The following KAZN variants were observed in gnomAD, a reference collection of about 807,000 sequenced individuals.
The protein encoded by KAZN is kazrin.
A neutral mutation model predicts 87.4 loss-of-function variants in KAZN; 40 were observed. The observed-to-expected ratio is 0.46, with a 90% CI of 0.36 to 0.60. The LOEUF is 0.60. Ranked by LOEUF, KAZN falls within the 20% of genes least tolerant of loss-of-function variation. The probability of loss-of-function intolerance (pLI) is 0.00; values close to 1 mark genes in which losing one functional copy is unlikely to be tolerated. For synonymous variants in KAZN, 466 were observed against 458.3 expected (o/e 1.02, Z -0.22); for missense variants, 898 against 1,073.9 (o/e 0.84, Z 2.29).
At chr1:14,602,439 G>A (rs1380067562) in intron 1 of KAZN, among the ~76,000 whole-genome samples, 3 of 152,178 alleles carry the variant, frequency 2.0e-5, no homozygotes, top group South Asian at 2.1e-4. Flanking sequence ...CTTTTGGGTC[G>A]GTGGGGTCAC....
intron 2 of KAZN, among the ~76,000 whole-genome samples, chr1:14,531,268 C>A (rs1333217042): frequency 1.3e-5 from 2 of 152,188 alleles, no homozygotes; most frequent in East Asian, 3.9e-4. Context: ...TTGAGCTGAA[C>A]TTTTCCCAGT....
At chr1:14,839,616 A>G (rs1025551891) in intron 1 of KAZN, among the ~76,000 whole-genome samples, 1 of 152,134 alleles carries the variant, frequency 6.6e-6, no homozygotes, top group Non-Finnish European at 1.5e-5. Flanking sequence ...TGCAGAGCTC[A>G]TAATCTCATC....
At chr1:14,515,880 T>A (rs1671272433) in intron 2 of KAZN, among the ~76,000 whole-genome samples, 1 of 152,054 alleles carries the variant, frequency 6.6e-6, no homozygotes, top group Non-Finnish European at 1.5e-5. Context: ...TTATTTTGCA[T>A]TTCTCCCAAC....
At chr1:14,067,899 C>T (rs1004118484) in intron 1 of KAZN, among the ~76,000 whole-genome samples, 3 of 152,224 alleles carry the variant, frequency 2.0e-5, no homozygotes, top group African/African-American at 4.8e-5. Context: ...ATTGTCCTCA[C>T]AGCCAACCAT....
intron 1 of KAZN, among the ~76,000 whole-genome samples, chr1:14,102,914 C>CTT (rs61116986): frequency 4.1e-5 from 6 of 146,294 alleles, no homozygotes; most frequent in African/African-American, 1.3e-4. Flanking sequence ...TAATCTCTCT[C>CTT]TTTTTTTTTT....
intron 2 of KAZN, among the ~76,000 whole-genome samples, chr1:14,452,361 G>A (rs1667325404): frequency 6.6e-6 from 1 of 152,176 alleles, no homozygotes; most frequent in African/African-American, 2.4e-5. Flanking sequence ...GGCCTCTGGT[G>A]AGCACAGGCA....
At chr1:14,713,602 G>C (rs1160587621) in intron 1 of KAZN, among the ~76,000 whole-genome samples, 1 of 151,952 alleles carries the variant, frequency 6.6e-6, no homozygotes, top group Non-Finnish European at 1.5e-5. Flanking sequence ...TCAGTACAGA[G>C]GACGGCCCTC....
At chr1:14,031,878 CCAAAGA>C (rs546153187) in intron 1 of KAZN, among the ~76,000 whole-genome samples, 7,332 of 152,172 alleles carry the variant, frequency 0.048, 609 homozygotes, top group African/African-American at 0.17. Flanking sequence ...AGAGAAAAAC[CCAAAGA>C]AACTTGCTTT....
intron 8 of KAZN, chr1:15,067,164 G>C (rs924042138): frequency 8.1e-6 from 8 of 985,600 alleles, no homozygotes; most frequent in Middle Eastern, 1.0e-3. Context: ...TGTTGTTAGG[G>C]GAGGCACCCA....
Position 13,898,250 on chromosome 1 carries a change from C to T in KAZN, c.91+4494C>T, listed in dbSNP as rs183013975. The stretch of plus-strand genomic sequence containing the variant: ...TCCCTTGTCTATATTCTCCTGGGTT[C>T]CCAAAATGTTTAACTGGACACCCTC... On this transcript the variant is annotated intron_variant, in intron 1 of 16. Coordinates refer to the KAZN transcript ENST00000636203. 7.6e-3 allele frequency among the ~76,000 whole-genome samples: 1,158 copies of T among 152,258 alleles called. 5 individuals carry two copies. The highest frequency in any genetic ancestry group is 0.012 in the Non-Finnish European group (814 of 68,018).
rs1337832056 is a variant in KAZN at position 14,769,315 on chromosome 1, G to T, written c.226+170092G>T. 6.6e-6 allele frequency among the ~76,000 whole-genome samples: 1 copy of T among 152,182 alleles called. No individual in the cohort carries two copies. The highest frequency in any genetic ancestry group is 2.4e-5 in the African/African-American group (1 of 41,458). ...TTGGCTTTTGGAAAGTCCCCTGAGTGTAGGGAACTATACCTTGGTCAGATT... is the reference window on the plus strand; with the variant it reads ...TTGGCTTTTGGAAAGTCCCCTGAGTTTAGGGAACTATACCTTGGTCAGATT... On this transcript the variant is annotated intron_variant, in intron 1 of 14. Transcript: ENST00000376030. This position sits in a 1 kb window ranked among gnomAD's most constrained non-coding sequence, Gnocchi z 4.1.
In KAZN at chr1:14,465,137, T is replaced by C. The variant is rs1047992391; in HGVS notation, c.250-133846T>C. On this transcript the variant is annotated intron_variant, in intron 2 of 16. Transcript: ENST00000636203. ...TCACCCAGCCAGGTGTGGTGGCTCA[T>C]GCCTGTAATCCCATCACTTTGGGAG... Among the ~76,000 whole-genome samples the C allele has an allele frequency of 2.6e-5, 4 of 151,934 alleles. No individual in the cohort carries two copies. In the South Asian group the frequency reaches 6.2e-4, roughly 24 times the overall value.
intron 2 of KAZN, among the ~76,000 whole-genome samples, chr1:14,970,279 T>C (rs1664886212): frequency 6.6e-6 from 1 of 152,224 alleles, no homozygotes; most frequent in African/African-American, 2.4e-5. Flanking sequence ...CCATCTCTTG[T>C]GTCGTGCTTG....
chr1:14,050,490 T>C (rs576555862), intron 1 of KAZN, among the ~76,000 whole-genome samples: 7 of 152,288 alleles, frequency 4.6e-5, no homozygotes, highest in African/African-American at 1.7e-4. Context: ...ATGTCTCACA[T>C]GACAGCAGTT....
At position 14,451,793 on chromosome 1, in the gene KAZN, C is replaced by G. The variant is rs1667291709; in HGVS notation, c.250-147190C>G. On this transcript the variant is annotated intron_variant, in intron 2 of 16. Transcript: ENST00000636203. ...GCTGATGATGGTGTAAGTTCTAGTC[C>G]AAATCCAAACCCAAGGACCAGAGAA... is the stretch of plus-strand genomic sequence containing the variant. Among the ~76,000 whole-genome samples, 2 of 152,084 alleles carry G rather than the reference C, an allele frequency of 1.3e-5. 1 individual carries two copies. Among genetic ancestry groups the G allele is most frequent in the South Asian group, 4.1e-4 (2 of 4,830 alleles).
chr1:14,294,267 C>T (rs866104709), intron 2 of KAZN, among the ~76,000 whole-genome samples: 12 of 152,276 alleles, frequency 7.9e-5, no homozygotes, highest in Middle Eastern at 6.8e-3. Context: ...CAGCAATTCC[C>T]TAGGCATCGC....
intron 1 of KAZN, among the ~76,000 whole-genome samples, chr1:13,971,676 C>A (rs1642142044): frequency 6.6e-6 from 1 of 151,960 alleles, no homozygotes; most frequent in Non-Finnish European, 1.5e-5. Flanking sequence ...AGCTGTGTCT[C>A]CACCAAAATC....
chr1:15,110,610 C>T (rs960041521), intron 13 of KAZN, among the ~76,000 whole-genome samples: 3 of 151,896 alleles, frequency 2.0e-5, no homozygotes, highest in Non-Finnish European at 2.9e-5. Context: ...CGAGGAAGTT[C>T]TGTTATTAAC....
chr1:14,301,511 C>T (rs1455527581), intron 2 of KAZN, among the ~76,000 whole-genome samples: 1 of 152,196 alleles, frequency 6.6e-6, no homozygotes, highest in Non-Finnish European at 1.5e-5. Flanking sequence ...CCTGCCACTA[C>T]AGGGATCTGT....
Sources: allele counts gnomAD v4.1 joint callset (sites outside exome capture counted in the v4.1 genomes callset), GRCh38; gene constraint gnomAD v4.1.1; non-coding constraint Gnocchi (gnomAD v3.1); transcripts MANE v1.5; gene names NCBI Gene and HGNC (gene_info 2026-07-23, HGNC 2026-07-21).